The following MYO1F variants were observed in gnomAD, a reference collection of about 807,000 sequenced individuals.
MYO1F encodes myosin IF.
MYO1F carries 60 observed loss-of-function variants against 146.6 expected under a neutral mutation model. That is an observed-to-expected ratio of 0.41 (90% CI 0.33 to 0.51). The LOEUF (loss-of-function observed/expected upper bound fraction) is 0.51, where lower values mean the gene tolerates loss of function less well. MYO1F is among the 20% of genes least tolerant of loss of function. MYO1F has a pLI of 0.25. For missense variants in MYO1F, 1,274 were observed against 1,534.3 expected (o/e 0.83, Z 2.83); for synonymous variants, 602 against 602.1 (o/e 1.00, Z 0.00).
At chr19:8,569,947 G>A (rs919353456) in intron 1 of MYO1F, among the ~76,000 whole-genome samples, 1 of 152,136 alleles carries the variant, frequency 6.6e-6, no homozygotes. Context: ...GTCTTGTTCT[G>A]TTGCCCAGGT....
At chr19:8,576,868 A>T in intron 1 of MYO1F, 1 of 253,024 alleles carries the variant, frequency 4.0e-6, no homozygotes, top group Non-Finnish European at 7.8e-6. Flanking sequence ...CAACTTCCGC[A>T]TCTAGACGGA....
At position 8,521,547 on chromosome 19, in the gene MYO1F, T is replaced by C. The variant is rs757920201; in HGVS notation, c.3278A>G (p.Asn1093Ser). Residue 1093 changes from asparagine to serine, a missense_variant, in exon 28 of 28, where the codon AAC (asparagine) becomes AGC (serine). Asn to Ser is a conservative substitution (Grantham distance 46, BLOSUM62 1). Transcript: ENST00000644032. ...LHGQEGLFPG[N>S]YVEKI ...CCCAGCTCAGATCTTCTCCACGTAG[T>C]TTCCTGGGAAAAGGCCCTCCTGGCC... The C allele has an allele frequency of 6.2e-7, 1 of 1,614,152 alleles. No homozygotes were observed. Among genetic ancestry groups the C allele is most frequent in the Non-Finnish European group, 8.5e-7 (1 of 1,180,010 alleles).
At chr19:8,536,661 GAGGTGCTGGAGGTGGGGGACCT>G in intron 17 of MYO1F, 64 bp from the exon 18 acceptor site, 1 of 371,568 alleles carries the variant, frequency 2.7e-6, no homozygotes, top group Non-Finnish European at 5.3e-6. Flanking sequence ...GGGTGGGTGG[GAGGTGCTGGAGGTGGGGGACCT>G]GGGGGGATCT....
chr19:8,553,894 A>ACACACACTCTCTCTCTCT, intron 4 of MYO1F, among the ~76,000 whole-genome samples: 9 of 102,606 alleles, frequency 8.8e-5, no homozygotes, highest in African/African-American at 2.9e-4. Context: ...ACACACACAC[A>ACACACACTCTCTCTCTCT]CTCTCTCTCT....
At chr19:8,545,762 G>C in intron 12 of MYO1F, 26 bp from the exon 13 acceptor site, 1 of 1,576,928 alleles carries the variant, frequency 6.3e-7, no homozygotes, top group African/African-American at 1.3e-5. Flanking sequence ...GGGTGGATGT[G>C]GGGGCCAGTG....
At chr19:8,549,020 G>A (rs747165118) in intron 10 of MYO1F, among the ~76,000 whole-genome samples, 9 of 151,404 alleles carry the variant, frequency 5.9e-5, no homozygotes, top group Admixed American at 1.3e-4. Flanking sequence ...GCGCAATCTC[G>A]GCTCACTGAA....
chr19:8,542,715 C>T (rs1973033365), intron 14 of MYO1F, among the ~76,000 whole-genome samples: 1 of 151,564 alleles, frequency 6.6e-6, no homozygotes, highest in South Asian at 2.1e-4. Flanking sequence ...ATTCTCCTGT[C>T]TCAGCCTCCC....
chr19:8,568,749 C>T (rs1182002594), intron 1 of MYO1F, among the ~76,000 whole-genome samples: 1 of 151,996 alleles, frequency 6.6e-6, no homozygotes, highest in Non-Finnish European at 1.5e-5. Context: ...GGTGAAACCT[C>T]ATCTCTACTA....
Position 8,522,817 on chromosome 19 carries a change from T to C in MYO1F, c.2867A>G (p.Asn956Ser), listed in dbSNP as rs762039671. 6.4e-6 allele frequency: 10 copies of C among 1,573,460 alleles called. No individual in the cohort carries two copies. In the South Asian group the frequency reaches 1.1e-4, roughly 18 times the overall value. ...CCCTCTGGCAGAGGGGGGCACCCCA[T>C]TGCGATCCATGCCTGTGGCAGGAGC... Reference protein sequence around the residue: ...APAPPRGMDRNGVPPSARGGP... With the variant: ...APAPPRGMDRSGVPPSARGGP... Residue 956 changes from asparagine to serine, a missense_variant, in exon 26 of 28, where the codon AAT becomes AGT. By Grantham distance (46) the Asn-to-Ser change is conservative. Around this residue, in one of 2 missense-constraint regions of MYO1F, gnomAD observed 374 missense variants for 379.2 expected, o/e 0.99. Transcript: ENST00000644032.
intron 1 of MYO1F, among the ~76,000 whole-genome samples, chr19:8,559,676 G>A (rs367924210): frequency 1.1e-4 from 16 of 152,154 alleles, no homozygotes; most frequent in Admixed American, 7.9e-4. Context: ...ACGACCGGGC[G>A]CGGTGGCTCA....
At chr19:8,527,876 G>A (rs1333657011) in intron 21 of MYO1F, among the ~76,000 whole-genome samples, 5 of 152,202 alleles carry the variant, frequency 3.3e-5, no homozygotes, top group Non-Finnish European at 7.3e-5. Flanking sequence ...GCCTCCCAAA[G>A]GGTTGGGATT....
chr19:8,545,786 C>T (rs1426417903), intron 12 of MYO1F, 50 bp from the exon 13 acceptor site: 2 of 1,332,400 alleles, frequency 1.5e-6, no homozygotes, highest in African/African-American at 1.4e-5. Flanking sequence ...AAGTTGTGGC[C>T]ACCCTTCCCC....
chr19:8,564,565 G>T (rs2041966161), intron 1 of MYO1F, among the ~76,000 whole-genome samples: 1 of 151,980 alleles, frequency 6.6e-6, no homozygotes. Flanking sequence ...GGCAGGGGAG[G>T]CCCAGATGGG....
chr19:8,534,260 C>A (rs796728446), intron 19 of MYO1F, among the ~76,000 whole-genome samples: 15 of 151,328 alleles, frequency 9.9e-5, no homozygotes, highest in African/African-American at 3.6e-4. Context: ...AATTTAATTT[C>A]TTGATTACTT....
intron 1 of MYO1F, among the ~76,000 whole-genome samples, chr19:8,561,538 CCT>C (rs1323626971): frequency 1.4e-5 from 2 of 142,342 alleles, no homozygotes; most frequent in Admixed American, 7.2e-5. Flanking sequence ...CTTCTTTCTT[CCT>C]CTTTCTTTCC....
chr19:8,546,156 C>T (rs1973347854), intron 12 of MYO1F, among the ~76,000 whole-genome samples: 1 of 151,034 alleles, frequency 6.6e-6, no homozygotes, highest in African/African-American at 2.4e-5. Context: ...CCTCCGCCTC[C>T]CGAGTTCAAG....
intron 1 of MYO1F, among the ~76,000 whole-genome samples, chr19:8,558,626 T>C (rs1259385846): frequency 1.3e-5 from 2 of 152,108 alleles, no homozygotes; most frequent in Non-Finnish European, 2.9e-5. Context: ...CTGTCTCTAT[T>C]CAACACATCT....
intron 14 of MYO1F, among the ~76,000 whole-genome samples, chr19:8,543,014 C>T (rs571530321): frequency 7.9e-5 from 12 of 152,202 alleles, no homozygotes; most frequent in Non-Finnish European, 1.6e-4. Context: ...AGTGATTCTC[C>T]TGCCTCAGCC....
chr19:8,536,472 C>A (rs372596262), intron 18 of MYO1F, 27 bp downstream of exon 18: 3 of 1,606,836 alleles, frequency 1.9e-6, no homozygotes, highest in Non-Finnish European at 2.6e-6. Context: ...AAGGGGATGG[C>A]GAGGGCGGGG....
Sources: allele counts gnomAD v4.1 joint callset (sites outside exome capture counted in the v4.1 genomes callset), GRCh38; gene constraint gnomAD v4.1.1; regional missense constraint gnomAD v4.1.1; transcripts MANE v1.5; gene names NCBI Gene and HGNC (gene_info 2026-07-23, HGNC 2026-07-21).